CENATAC: variants seen among roughly 807,000 people sequenced by gnomAD.
CENATAC encodes the protein coiled-coil domain containing 84.
In CENATAC, 53 loss-of-function variants were observed where a neutral mutation model predicts 53.7. That is an observed-to-expected ratio of 0.99 (90% CI 0.79 to 1.24). The LOEUF (loss-of-function observed/expected upper bound fraction) is 1.24. Among genes scored for constraint, CENATAC ranks in the 50% most tolerant of loss-of-function variants. The pLI, the probability that CENATAC is intolerant of heterozygous loss-of-function variation, is 0.00. For missense variants in CENATAC, 474 were observed against 417.8 expected (o/e 1.13, Z -1.17); for synonymous variants, 156 against 144.6 (o/e 1.08, Z -0.57).
chr11:119,015,773 T>TA lies in CENATAC; in HGVS notation c.*179dup. On this transcript the variant is annotated 3_prime_UTR_variant, in exon 11 of 11. Transcript: ENST00000334418. ...GCTGGTTGGACCTGTAAAAAAAAAT[T>TA]AAAAGAATCAGAACCATAAAGCTTT... 1.5e-6 allele frequency: 2 copies of TA among 1,326,252 alleles called. No individual in the cohort carries two copies. Among genetic ancestry groups the TA allele is most frequent in the East Asian group, 4.6e-5 (2 of 43,266 alleles). The allele number at this position is 1,326,252 out of a possible 1,614,324, so 82.2% of individuals were successfully genotyped here.
At chr11:119,008,428 C>T (rs913138557) in intron 3 of CENATAC, among the ~76,000 whole-genome samples, 2 of 152,306 alleles carry the variant, frequency 1.3e-5, no homozygotes, top group African/African-American at 4.8e-5. Flanking sequence ...TGGACGTGCA[C>T]GTAGGCCAGA....
chr11:119,011,888 G>T, intron 5 of CENATAC, 51 bp from the exon 6 acceptor site: 1 of 1,548,652 alleles, frequency 6.5e-7, no homozygotes, highest in South Asian at 1.1e-5. Context: ...CATGGCCTAG[G>T]CAGGCTCTTA....
Position 119,011,950 on chromosome 11 carries a change from G to A in CENATAC, c.525G>A (p.Val175=). The A allele has an allele frequency of 6.2e-7, 1 of 1,614,092 alleles. No individual in the cohort carries two copies. The highest frequency in any genetic ancestry group is 2.2e-5 in the East Asian group (1 of 44,886). ...TGAATCAAACTCAGCCTCAGGCAGT[G>A]CCAGACCCAGAAGAGGGCTCTTCAG... The part of the protein sequence containing the change: ...VVRSVLEPQA[V]PDPEEGSSAP... The change falls in exon 6 of 11, where the codon GTG becomes GTA. Residue 175 remains valine, a synonymous_variant. Transcript: ENST00000334418.
chr11:119,011,081 C>A, intron 4 of CENATAC, 140 bp from the exon 5 acceptor site: 1 of 699,228 alleles, frequency 1.4e-6, no homozygotes, highest in Non-Finnish European at 2.4e-6. Context: ...GGCGGCAGTG[C>A]TGTTGCAGCC....
rs1047876258 is a variant in CENATAC at position 118,999,176 on chromosome 11, C to G, written c.383+67C>G. 2.6e-5 allele frequency: 32 copies of G among 1,217,192 alleles called. No individual in the cohort carries two copies. In the African/African-American group the frequency reaches 4.2e-4, roughly 16 times the overall value. 75.4% of individuals were successfully genotyped at this position (1,217,192 alleles called of 1,614,324 possible). ...TCTGGATCTTTGTCAGGTATGGGAG[C>G]TTACTCTATTAACTGGAAAGTTCAG... On this transcript the variant is annotated intron_variant, in intron 3 of 10. Coordinates refer to ENST00000334418, the MANE Select transcript of CENATAC (RefSeq NM_198489.3).
At chr11:119,014,194 A>G (rs1943022238) in intron 8 of CENATAC, 1 of 152,282 alleles carries the variant, frequency 6.6e-6, no homozygotes, top group South Asian at 2.1e-4. Context: ...ATTGGAAACA[A>G]TTCAGATGTC....
intron 3 of CENATAC, chr11:119,001,560 C>T (rs1353077225): frequency 2.2e-6 from 1 of 450,830 alleles, no homozygotes; most frequent in Non-Finnish European, 4.4e-6. Context: ...CTAGTATCTA[C>T]ATATATTTTA....
At position 118,999,107 on chromosome 11, in the gene CENATAC, GC is replaced by G. The variant is rs782546629; in HGVS notation, c.382del (p.Arg128AspfsTer7). On this transcript the variant is annotated frameshift_variant and splice_region_variant, in exon 3 of 11. Transcript: ENST00000334418. LOFTEE classifies it high-confidence loss of function. ...TTCTGGTCACTCCCCAGGATTATGC[GC>G]GGTGAGTCACTGGTATGGAACGTGA... is the stretch of plus-strand genomic sequence containing the variant. ...KFLVTPQDYA[R>X]FKKSMVKGLD... 8 of 1,608,510 alleles carry G rather than the reference GC, an allele frequency of 5.0e-6. No individual in the cohort carries two copies. The highest frequency in any genetic ancestry group is 6.8e-6 in the Non-Finnish European group (8 of 1,175,064).
chr11:119,009,466 A>G (rs1942767509), intron 3 of CENATAC: 2 of 149,954 alleles, frequency 1.3e-5, no homozygotes, highest in African/African-American at 4.8e-5. Flanking sequence ...ATATTCTGCA[A>G]TTTTAATCTG....
chr11:119,007,329 A>G (rs1942652539), intron 3 of CENATAC, among the ~76,000 whole-genome samples: 1 of 152,002 alleles, frequency 6.6e-6, no homozygotes, highest in South Asian at 2.1e-4. Flanking sequence ...GATTACAGGC[A>G]CGTGCCACCA....
Position 119,012,084 on chromosome 11 carries a change from G to C in CENATAC, c.579-65G>C, listed in dbSNP as rs1274760462. 2.5e-6 allele frequency: 4 copies of C among 1,613,800 alleles called. No individual in the cohort carries two copies. In the South Asian group the frequency reaches 3.3e-5, roughly 13 times the overall value. The stretch of plus-strand genomic sequence containing the variant: ...ACCTTTTGCCTGGGAAATGGAAACA[G>C]ATCTAATCTTTACCACCCTCATGGC... On this transcript the variant is annotated intron_variant, in intron 6 of 10. Coordinates refer to ENST00000334418, the MANE Select transcript of CENATAC (RefSeq NM_198489.3).
rs1555185335 is a variant in CENATAC at position 119,005,480 on chromosome 11, A to AT, written c.384-5272dup. On this transcript the variant is annotated intron_variant, in intron 3 of 10. Coordinates refer to ENST00000334418, the MANE Select transcript of CENATAC (RefSeq NM_198489.3). ...AGACCCCGTCTCAAAAAAAAAAAAA[A>AT]TTTTTTTTTTTTACAATTCCACATT... is the stretch of plus-strand genomic sequence containing the variant. Among the ~76,000 whole-genome samples, 205 of 143,914 alleles carry AT rather than the reference A, an allele frequency of 1.4e-3. 1 individual carries two copies. The highest frequency in any genetic ancestry group is 6.3e-3 in the South Asian group (29 of 4,616). 94.4% of individuals were successfully genotyped at this position (143,914 alleles called of 152,430 possible).
chr11:119,012,102 C>T (rs1224954400), intron 6 of CENATAC, 47 bp from the exon 7 acceptor site: 1 of 1,613,950 alleles, frequency 6.2e-7, no homozygotes, highest in Non-Finnish European at 8.5e-7. Context: ...CTTTACCACC[C>T]TCATGGCTCA....
chr11:119,005,859 A>G (rs1310065353), intron 3 of CENATAC: 1 of 151,790 alleles, frequency 6.6e-6, no homozygotes, highest in Non-Finnish European at 1.5e-5. Flanking sequence ...CGCACAAAGT[A>G]TAGGAAAGAA....
chr11:119,009,221 G>A (rs1368546227), intron 3 of CENATAC, among the ~76,000 whole-genome samples: 2 of 151,938 alleles, frequency 1.3e-5, no homozygotes, highest in Non-Finnish European at 2.9e-5. Context: ...CTCCACCTCC[G>A]AGGTTCAAGC....
rs782234015 is a variant in CENATAC, at chr11:119,010,809, G to A, written c.429G>A (p.Lys143=). The A allele has an allele frequency of 3.1e-6, 5 of 1,614,034 alleles. No individual in the cohort carries two copies. The highest frequency in any genetic ancestry group is 1.6e-4 in the Middle Eastern group (1 of 6,084). ...MVKGLDSYEE[K]EDKVIKEMAA... Reference sequence around the variant, plus strand: ...AAGGTTTGGATTCCTATGAAGAAAAGGAGGATAAAGTGATCAAGGAGGTAA... The same window carrying A: ...AAGGTTTGGATTCCTATGAAGAAAAAGAGGATAAAGTGATCAAGGAGGTAA... Residue 143 remains lysine, a synonymous_variant, in exon 4 of 11, where the codon AAG becomes AAA. Transcript: ENST00000334418.
At chr11:119,006,530 C>T (rs149317967) in intron 3 of CENATAC, among the ~76,000 whole-genome samples, 4 of 151,308 alleles carry the variant, frequency 2.6e-5, no homozygotes, top group East Asian at 1.9e-4. Flanking sequence ...CCACCATGCC[C>T]GGCCTAATTT....
At chr11:119,003,638 TTG>T in intron 3 of CENATAC, 1 of 217,686 alleles carries the variant, frequency 4.6e-6, no homozygotes. Flanking sequence ...TTTTTTTTTT[TTG>T]GGAGACAGAG....
chr11:118,998,262 A>G lies in CENATAC; in HGVS notation c.65A>G (p.Tyr22Cys). 1.9e-6 allele frequency: 3 copies of G among 1,593,474 alleles called. No individual in the cohort carries two copies. Among genetic ancestry groups the G allele is most frequent in the Non-Finnish European group, 2.6e-6 (3 of 1,170,116 alleles). The change falls in exon 1 of 11, where the codon TAC becomes TGC. Residue 22 changes from tyrosine (Y) to cysteine (C), a missense_variant. By Grantham distance (194) the Tyr-to-Cys change is radical. Transcript: ENST00000334418. ...TTCTTCTGTGGTCGCGGGCACGTTT[A>G]CAGCCGCAAGCACCAGCGGCAGCTG... ...QTFFCGRGHV[Y>C]SRKHQRQLKE...
Sources: allele counts gnomAD v4.1 joint callset (sites outside exome capture counted in the v4.1 genomes callset), GRCh38; gene constraint gnomAD v4.1.1; transcripts MANE v1.5; gene names NCBI Gene and HGNC (gene_info 2026-07-23, HGNC 2026-07-21).